The following ALK variants were observed in gnomAD, a reference collection of about 807,000 sequenced individuals.
The protein encoded by ALK is ALK tyrosine kinase receptor.
A neutral mutation model predicts 163.1 loss-of-function variants in ALK; 74 were observed. The ratio of observed to expected loss-of-function variants is 0.45; its 90% confidence interval spans 0.38 to 0.55. The LOEUF (loss-of-function observed/expected upper bound fraction) is 0.55, where lower values mean the gene tolerates loss of function less well. Among genes scored for constraint, ALK ranks in the 20% least tolerant of loss-of-function variants. The pLI, the probability that ALK is intolerant of heterozygous loss-of-function variation, is 0.00. For synonymous variants in ALK, 960 were observed against 843.2 expected, an observed-to-expected ratio of 1.14 and a Z score of -2.40; for missense variants, 2,063 against 2,105.3, an observed-to-expected ratio of 0.98 and a Z score of 0.39.
chr2:29,338,209 A>C (rs1667683266), intron 5 of ALK, among the ~76,000 whole-genome samples: 1 of 152,180 alleles, frequency 6.6e-6, no homozygotes, highest in Non-Finnish European at 1.5e-5. Context: ...TTGCAGCAAA[A>C]CAATAACTGA....
At chr2:29,706,042 G>A (rs1228544611) in intron 2 of ALK, among the ~76,000 whole-genome samples, 1 of 152,194 alleles carries the variant, frequency 6.6e-6, no homozygotes, top group East Asian at 1.9e-4. Flanking sequence ...GACCTCCAGC[G>A]AGATGATCTG....
intron 1 of ALK, among the ~76,000 whole-genome samples, chr2:29,857,515 G>A (rs1206776872): frequency 6.6e-6 from 1 of 152,202 alleles, no homozygotes; most frequent in Admixed American, 6.5e-5. Flanking sequence ...ATGGGCACAG[G>A]TGACGGGCGG....
intron 9 of ALK, among the ~76,000 whole-genome samples, chr2:29,284,038 G>T (rs1665784402): frequency 1.3e-5 from 2 of 152,192 alleles, no homozygotes; most frequent in Admixed American, 1.3e-4. Flanking sequence ...CCCCTATAGA[G>T]CTAGAAGCTA....
chr2:29,587,485 C>G (rs146009346), intron 3 of ALK, among the ~76,000 whole-genome samples: 1,583 of 152,306 alleles, frequency 0.01, 18 homozygotes, highest in South Asian at 0.051. Flanking sequence ...TGTTTTCCCC[C>G]CTGAGGTGAA....
chr2:29,716,116 C>G (rs1240787885), intron 2 of ALK, among the ~76,000 whole-genome samples: 1 of 152,076 alleles, frequency 6.6e-6, no homozygotes, highest in Admixed American at 6.5e-5. Flanking sequence ...ATAGCTTAGG[C>G]CCAAGGGTAT....
chr2:29,222,636 A>G (rs749277826), intron 20 of ALK, 29 bp from the exon 21 acceptor site: 1 of 1,600,630 alleles, frequency 6.2e-7, no homozygotes, highest in Non-Finnish European at 8.5e-7. Context: ...AAGAGGAGAC[A>G]GAGTCAAACA....
At chr2:29,639,873 G>C (rs1481344944) in intron 3 of ALK, among the ~76,000 whole-genome samples, 1 of 152,154 alleles carries the variant, frequency 6.6e-6, no homozygotes, top group Non-Finnish European at 1.5e-5. Context: ...GAAAGTTCAG[G>C]TCCAGGGTTT....
chr2:29,661,615 A>G (rs909241797), intron 3 of ALK, among the ~76,000 whole-genome samples: 2 of 152,202 alleles, frequency 1.3e-5, no homozygotes, highest in Non-Finnish European at 1.5e-5. Flanking sequence ...AAAATCCTAT[A>G]AGGTATGACT....
intron 1 of ALK, among the ~76,000 whole-genome samples, chr2:29,878,380 T>A (rs1666775032): frequency 6.6e-6 from 1 of 152,234 alleles, no homozygotes; most frequent in African/African-American, 2.4e-5. Context: ...TCACTGCCTC[T>A]ATTACTCTCA....
intron 21 of ALK, 27 bp downstream of exon 21, chr2:29,222,490 C>G (rs757817234): frequency 6.2e-7 from 1 of 1,613,630 alleles, no homozygotes; most frequent in Non-Finnish European, 8.5e-7. Context: ...AAGCCAAGGG[C>G]AGGCTCAAGA....
rs987794018 is a variant in ALK, at chr2:29,856,566, A to G, written c.667+63427T>C. On this transcript the variant is annotated intron_variant, in intron 1 of 28. Coordinates refer to ENST00000389048, the MANE Select transcript of ALK (RefSeq NM_004304.5). ...GCAGTTAGGAGGTGCAGGAATAGAT[A>G]TTGGAACCCAGGTCTATGTAACTCC... Among the ~76,000 whole-genome samples the G allele has an allele frequency of 3.9e-5, 6 of 152,210 alleles. 1 individual carries two copies. Among genetic ancestry groups the G allele is most frequent in the Non-Finnish European group, 8.8e-5 (6 of 68,024 alleles).
intron 4 of ALK, among the ~76,000 whole-genome samples, chr2:29,438,102 A>C (rs867437780): frequency 3.9e-5 from 6 of 152,012 alleles, no homozygotes; most frequent in Non-Finnish European, 7.4e-5. Context: ...AAGAAGTTCC[A>C]CTAGTGTCTG....
chr2:29,704,052 T>C (rs1678825501), intron 2 of ALK, among the ~76,000 whole-genome samples: 1 of 152,122 alleles, frequency 6.6e-6, no homozygotes, highest in African/African-American at 2.4e-5. Context: ...GTTTTCTTAA[T>C]GGCATAGGAA....
At chr2:29,494,503 G>A (rs543282769) in intron 4 of ALK, among the ~76,000 whole-genome samples, 1 of 152,174 alleles carries the variant, frequency 6.6e-6, no homozygotes, top group South Asian at 2.1e-4. Context: ...GATCCTATGA[G>A]AGACAGTGAG....
rs35787487 is a variant in ALK at position 29,227,818 on chromosome 2, G to A, written c.2816-146C>T. 102,684 of 668,288 alleles carry A rather than the reference G, an allele frequency of 0.15. 8,800 individuals are homozygous for A. Among genetic ancestry groups the A allele is most frequent in the Middle Eastern group, 0.25 (628 of 2,480 alleles). 41.4% of individuals were successfully genotyped at this position (668,288 alleles called of 1,614,324 possible). A position where few individuals can be genotyped will look rare whatever the true frequency, so the allele number is the denominator to read the frequency against. The stretch of plus-strand genomic sequence containing the variant: ...GGCAGGGATGCGGGGAGGGAAGGGA[G>A]GCTCAGGGCACAGAGGCTGCATGTG... On this transcript the variant is annotated intron_variant, in intron 16 of 28. Coordinates refer to ENST00000389048, the MANE Select transcript of ALK (RefSeq NM_004304.5). The surrounding 1 kb of genome is among the most constrained non-coding windows in gnomAD (Gnocchi z 4.4).
intron 1 of ALK, among the ~76,000 whole-genome samples, chr2:29,729,306 A>G (rs1237880458): frequency 6.6e-6 from 1 of 152,168 alleles, no homozygotes; most frequent in Non-Finnish European, 1.5e-5. Context: ...AATGAGGTGA[A>G]GAGAGGCAAA....
At chr2:29,795,772 A>T (rs951851724) in intron 1 of ALK, among the ~76,000 whole-genome samples, 1 of 152,222 alleles carries the variant, frequency 6.6e-6, no homozygotes, top group African/African-American at 2.4e-5. Flanking sequence ...CTAAATTGTT[A>T]ACAGTAGTTA....
At chr2:29,791,847 A>T (rs1338136988) in intron 1 of ALK, among the ~76,000 whole-genome samples, 3 of 152,190 alleles carry the variant, frequency 2.0e-5, no homozygotes, top group African/African-American at 7.2e-5. Flanking sequence ...TAATAATTAT[A>T]ATTTGAGGGA....
intron 1 of ALK, among the ~76,000 whole-genome samples, chr2:29,735,479 G>C (rs1319162202): frequency 2.0e-5 from 3 of 152,034 alleles, no homozygotes. Context: ...AGTAAGAGTA[G>C]TAGTAATAAT....
Sources: allele counts gnomAD v4.1 joint callset (sites outside exome capture counted in the v4.1 genomes callset), GRCh38; gene constraint gnomAD v4.1.1; non-coding constraint Gnocchi (gnomAD v3.1); transcripts MANE v1.5; gene names NCBI Gene and HGNC (gene_info 2026-07-23, HGNC 2026-07-21).